MGAM: variants seen among roughly 807,000 people sequenced by gnomAD.
The protein encoded by MGAM is alpha-1,4-glucosidase.
In MGAM, 253 loss-of-function variants were observed where a neutral mutation model predicts 358.8. That is an observed-to-expected ratio of 0.71 (90% CI 0.64 to 0.78). MGAM has a LOEUF of 0.78. Ranked by LOEUF, MGAM falls within the 30% of genes least tolerant of loss-of-function variation. The probability of loss-of-function intolerance (pLI) is 0.00; values close to 1 mark genes in which losing one functional copy is unlikely to be tolerated. For missense variants in MGAM, 3,080 were observed against 3,432.6 expected (o/e 0.90, Z 2.57); for synonymous variants, 1,105 against 1,227.1 (o/e 0.90, Z 2.08).
chr7:142,019,043 A>C (rs1806196830), intron 3 of MGAM, among the ~76,000 whole-genome samples, 156 bp from the exon 4 acceptor site: 1 of 152,292 alleles, frequency 6.6e-6, no homozygotes, highest in East Asian at 1.9e-4. Flanking sequence ...AAACTCTGCC[A>C]TTGCTTGGTA....
intron 21 of MGAM, among the ~76,000 whole-genome samples, chr7:142,041,853 T>C (rs530253871): frequency 8.6e-6 from 1 of 116,804 alleles, no homozygotes; most frequent in African/African-American, 3.2e-5. Context: ...TTCAAGTTTC[T>C]GGTCATTTTA....
At chr7:142,019,096 A>G (rs1806200524) in intron 3 of MGAM, 103 bp from the exon 4 acceptor site, 3 of 1,315,894 alleles carry the variant, frequency 2.3e-6, no homozygotes, top group African/African-American at 1.5e-5. Context: ...TATTTGTAAA[A>G]TGAAATTATT....
chr7:142,083,278 T>G, intron 52 of MGAM, 23 bp from the exon 53 acceptor site: 1 of 1,502,090 alleles, frequency 6.7e-7, no homozygotes, highest in South Asian at 1.2e-5. Flanking sequence ...TCCAGCTTGA[T>G]TAGCATTTTT....
At position 142,044,938 on chromosome 7, in the gene MGAM, A is replaced by G. The variant is rs1809844508; in HGVS notation, c.2499-2847A>G. On this transcript the variant is annotated intron_variant, in intron 21 of 70. Coordinates refer to ENST00000475668, the MANE Select transcript of MGAM (RefSeq NM_001365693.1). ...ATTATATACACGTGTAATATATGAT[A>G]TATAATGTATATTATATACACGTGT... Among the ~76,000 whole-genome samples the G allele has an allele frequency of 4.0e-5, 4 of 101,050 alleles. No individual in the cohort carries two copies. The South Asian group carries it at 1.2e-3, about 30-fold the overall frequency. 66.3% of individuals were successfully genotyped at this position (101,050 alleles called of 152,430 possible).
chr7:142,070,713 T>C (rs1268853553), intron 43 of MGAM, among the ~76,000 whole-genome samples: 2 of 146,142 alleles, frequency 1.4e-5, no homozygotes, highest in East Asian at 4.0e-4. Flanking sequence ...TCCCTTAGGT[T>C]CTGATACAGG....
chr7:142,034,678 A>G lies in MGAM; in HGVS notation c.1796A>G (p.Lys599Arg), dbSNP rs1426103510. 31 of 1,613,164 alleles carry G rather than the reference A, an allele frequency of 1.9e-5. No homozygotes were observed. Among genetic ancestry groups the G allele is most frequent in the Non-Finnish European group, 2.5e-5 (29 of 1,179,492 alleles). The change falls in exon 16 of 71, where the codon AAG (lysine) becomes AGG (arginine). Residue 599 changes from lysine (K) to arginine (R), a missense_variant. By Grantham distance (26) the Lys-to-Arg change is conservative. Around this residue, in one of 5 missense-constraint regions of MGAM, gnomAD observed 1,816 missense variants for 1,840.5 expected, o/e 0.99. Coordinates refer to ENST00000475668, the MANE Select transcript of MGAM (RefSeq NM_001365693.1). ...ATCTCTCTCCCTTGCAGAGCTGCCA[A>G]GACTGTGTTCCCTAATAAGAGAAGC... ...SMAVATAEAAKTVFPNKRSFI... is the reference protein window; with the variant it reads ...SMAVATAEAARTVFPNKRSFI...
intron 40 of MGAM, 62 bp downstream of exon 40, chr7:142,065,893 T>C: frequency 7.8e-7 from 1 of 1,288,616 alleles, no homozygotes; most frequent in Non-Finnish European, 1.1e-6. Flanking sequence ...TCCATTTCTG[T>C]GCTAAAAGTA....
chr7:141,991,411 G>A (rs1440928426), upstream of MGAM, among the ~76,000 whole-genome samples: 1 of 151,922 alleles, frequency 6.6e-6, no homozygotes, highest in African/African-American at 2.4e-5. Flanking sequence ...TAGGGTAAGG[G>A]TGGTGGCTGG....
intron 50 of MGAM, 91 bp from the exon 51 acceptor site, chr7:142,081,951 A>G (rs1814336330): frequency 7.8e-7 from 1 of 1,286,474 alleles, no homozygotes; most frequent in African/African-American, 1.4e-5. Flanking sequence ...CTGGGTAGGA[A>G]TCAAGTGTTC....
intron 21 of MGAM, among the ~76,000 whole-genome samples, chr7:142,043,757 CAT>C (rs200631725): frequency 0.043 from 3,394 of 78,900 alleles, 222 homozygotes; most frequent in African/African-American, 0.11. Flanking sequence ...ACACATACGA[CAT>C]ATAATATATA....
chr7:142,099,856 T>C, intron 67 of MGAM, 119 bp downstream of exon 67: 9 of 1,399,262 alleles, frequency 6.4e-6, no homozygotes, highest in Non-Finnish European at 8.6e-6. Context: ...CAACACTTGT[T>C]TTTTCTTTGT....
At chr7:142,014,217 A>G (rs1353761369) in intron 3 of MGAM, among the ~76,000 whole-genome samples, 2 of 152,202 alleles carry the variant, frequency 1.3e-5, no homozygotes, top group Non-Finnish European at 2.9e-5. Flanking sequence ...CAATGTGCAA[A>G]GTTGTACATT....
At chr7:142,051,011 G>T in intron 24 of MGAM, 147 bp downstream of exon 24, 1 of 943,834 alleles carries the variant, frequency 1.1e-6, no homozygotes, top group Middle Eastern at 2.2e-4. Flanking sequence ...GGAAAAAAAT[G>T]AGGTGGCCAG....
Position 142,062,672 on chromosome 7 carries a change from G to C in MGAM, c.4227G>C (p.Glu1409Asp). 1.2e-6 allele frequency: 2 copies of C among 1,610,588 alleles called. No individual in the cohort carries two copies. Among genetic ancestry groups the C allele is most frequent in the Non-Finnish European group, 8.5e-7 (1 of 1,178,644 alleles). ...TATACAACAATCCACAGAATCCAGA[G>C]AGGAGCTTGAAGTTTGATGGCATGT... ...EELYNNPQNP[E>D]RSLKFDGMWI... is the part of the protein sequence containing the mutation. The change falls in exon 35 of 71, where the codon GAG (glutamate) becomes GAC (aspartate). Residue 1409 changes from glutamate to aspartate, a missense_variant. Transcript: ENST00000475668.
chr7:142,050,650 G>C, intron 23 of MGAM, 47 bp from the exon 24 acceptor site: 3 of 1,548,948 alleles, frequency 1.9e-6, no homozygotes, highest in Non-Finnish European at 8.9e-7. Context: ...GAGAATCTGT[G>C]TATACTCATA....
chr7:142,090,684 C>T lies in MGAM; in HGVS notation c.6811-1229C>T, dbSNP rs566764671. Among the ~76,000 whole-genome samples, 16 of 146,066 alleles carry T rather than the reference C, an allele frequency of 1.1e-4. No individual in the cohort carries two copies. In the East Asian group the frequency reaches 1.2e-3, roughly 11 times the overall value. On this transcript the variant is annotated intron_variant, in intron 57 of 70. Transcript: ENST00000475668. ...CCAAGTCCTCATTCTGTTGCCTCCCCGAACCTCCTCACCAGCATTCTTTAG... is the reference window on the plus strand; with the variant it reads ...CCAAGTCCTCATTCTGTTGCCTCCCTGAACCTCCTCACCAGCATTCTTTAG...
At chr7:142,064,259 G>A (rs1220762436) in intron 36 of MGAM, 125 bp from the exon 37 acceptor site, 13 of 1,395,218 alleles carry the variant, frequency 9.3e-6, no homozygotes, top group Non-Finnish European at 1.2e-5. Flanking sequence ...TGTCTCTGGG[G>A]AGATGGAGAG....
intron 2 of MGAM, among the ~76,000 whole-genome samples, chr7:142,007,068 T>A (rs1805222914): frequency 6.6e-6 from 1 of 152,120 alleles, no homozygotes; most frequent in Non-Finnish European, 1.5e-5. Context: ...AGTTTGATGT[T>A]TGTTCTTGTT....
chr7:141,993,303 T>G (rs1383952133), upstream of MGAM, among the ~76,000 whole-genome samples: 1 of 152,214 alleles, frequency 6.6e-6, no homozygotes, highest in Non-Finnish European at 1.5e-5. Context: ...TGTTTTAAAA[T>G]TGTCCAATAT....
Sources: allele counts gnomAD v4.1 joint callset (sites outside exome capture counted in the v4.1 genomes callset), GRCh38; gene constraint gnomAD v4.1.1; regional missense constraint gnomAD v4.1.1; transcripts MANE v1.5; gene names NCBI Gene and HGNC (gene_info 2026-07-23, HGNC 2026-07-21).